DAB1: variants seen among roughly 807,000 people sequenced by gnomAD.
DAB1 encodes DAB adaptor protein 1.
DAB1 carries 15 observed loss-of-function variants against 64.6 expected under a neutral mutation model. The ratio of observed to expected loss-of-function variants is 0.23; its 90% confidence interval spans 0.16 to 0.36. The LOEUF is 0.36. Ranked by LOEUF, DAB1 falls within the 10% of genes least tolerant of loss-of-function variation. DAB1 has a pLI of 1.00. For synonymous variants in DAB1, 235 were observed against 251.9 expected (o/e 0.93, Z 0.64); for missense variants, 596 against 706.7 (o/e 0.84, Z 1.78).
intron 7 of DAB1, among the ~76,000 whole-genome samples, chr1:57,439,437 T>TTTTGTTTTTTTTTTTTTTTTTTTTG: frequency 7.3e-6 from 1 of 136,492 alleles, no homozygotes; most frequent in Admixed American, 7.1e-5. Context: ...TTTTTTTTTT[T>TTTTGTTTTTTTTTTTTTTTTTTTTG]TTTTTTTTTT....
intron 4 of DAB1, among the ~76,000 whole-genome samples, chr1:58,238,054 T>C (rs1310838376): frequency 6.6e-6 from 1 of 152,210 alleles, no homozygotes; most frequent in Non-Finnish European, 1.5e-5. Flanking sequence ...CCATGTCCTT[T>C]GGCAGTACCC....
At chr1:57,047,736 A>G (rs1648696401) in intron 9 of DAB1, among the ~76,000 whole-genome samples, 3 of 152,146 alleles carry the variant, frequency 2.0e-5, no homozygotes, top group South Asian at 4.1e-4. Context: ...CCCCATAGCT[A>G]TGGTGCAGCC....
intron 4 of DAB1, among the ~76,000 whole-genome samples, chr1:58,241,609 G>C (rs943039634): frequency 6.6e-6 from 1 of 151,956 alleles, no homozygotes; most frequent in Non-Finnish European, 1.5e-5. Flanking sequence ...TGTAAAAGAA[G>C]CCTGAACAAA....
chr1:57,644,583 A>G (rs1646170292), intron 7 of DAB1, among the ~76,000 whole-genome samples: 1 of 151,970 alleles, frequency 6.6e-6, no homozygotes, highest in Non-Finnish European at 1.5e-5. Context: ...ATACATATAT[A>G]CACACATACC....
intron 3 of DAB1, among the ~76,000 whole-genome samples, chr1:58,358,871 T>C (rs572869486): frequency 6.0e-5 from 9 of 149,392 alleles, no homozygotes; most frequent in African/African-American, 1.7e-4. Context: ...TCTTTCTGTC[T>C]CTCTCTCCCC....
chr1:57,437,424 AG>A (rs2101125656), intron 7 of DAB1, among the ~76,000 whole-genome samples: 1 of 152,372 alleles, frequency 6.6e-6, no homozygotes, highest in East Asian at 1.9e-4. Flanking sequence ...AAAATAAAAA[AG>A]AATGTAATTG....
intron 7 of DAB1, among the ~76,000 whole-genome samples, chr1:57,518,118 C>G (rs1570590437): frequency 6.6e-6 from 1 of 152,332 alleles, no homozygotes; most frequent in East Asian, 1.9e-4. Context: ...TGCTTTCTTT[C>G]ATAAAACAGC....
At chr1:57,279,477 A>G (rs562975511) in intron 2 of DAB1, among the ~76,000 whole-genome samples, 1 of 152,292 alleles carries the variant, frequency 6.6e-6, no homozygotes, top group African/African-American at 2.4e-5. Flanking sequence ...CTGACTTTAT[A>G]TCCAAGAGGA....
At chr1:57,356,801 T>C (rs1679145189) in intron 1 of DAB1, among the ~76,000 whole-genome samples, 1 of 152,028 alleles carries the variant, frequency 6.6e-6, no homozygotes, top group East Asian at 1.9e-4. Context: ...CACAGCAACT[T>C]ATAATACTGC....
chr1:57,215,566 G>C (rs528619597), intron 2 of DAB1, among the ~76,000 whole-genome samples: 39 of 152,264 alleles, frequency 2.6e-4, no homozygotes, highest in African/African-American at 8.4e-4. Context: ...GTGTTCAAGC[G>C]CTCTTTATAG....
At chr1:57,795,467 C>T (rs1427624219) in intron 6 of DAB1, among the ~76,000 whole-genome samples, 1 of 151,478 alleles carries the variant, frequency 6.6e-6, no homozygotes. Context: ...GACAAAGGAA[C>T]ATAGAAATGG....
intron 5 of DAB1, among the ~76,000 whole-genome samples, chr1:58,075,811 T>C (rs1043318204): frequency 6.6e-6 from 1 of 152,170 alleles, no homozygotes; most frequent in Non-Finnish European, 1.5e-5. Context: ...TCTGGCTCTA[T>C]CTCTGTCCCT....
chr1:58,323,234 T>G (rs1207460863), intron 4 of DAB1, among the ~76,000 whole-genome samples: 1 of 145,892 alleles, frequency 6.9e-6, no homozygotes, highest in Non-Finnish European at 1.5e-5. Context: ...GAACTTAAAG[T>G]ATAATAATAA....
rs72641114 is a variant in DAB1, at chr1:58,099,836, C to A, written n.387+50675G>T. The stretch of plus-strand genomic sequence containing the variant: ...AAAATAAGTGTGGAACTGAGACTCA[C>A]GTCCAGGACGGGCTCAGTTTTGAAC... On this transcript the variant is annotated intron_variant and non_coding_transcript_variant, in intron 5 of 20. Transcript: ENST00000485760. 2.6e-4 allele frequency among the ~76,000 whole-genome samples: 40 copies of A among 152,296 alleles called. No individual in the cohort carries two copies. The South Asian group carries it at 8.3e-3, about 32-fold the overall frequency.
intron 5 of DAB1, among the ~76,000 whole-genome samples, chr1:57,953,550 A>G (rs1645322076): frequency 6.6e-6 from 1 of 152,190 alleles, no homozygotes; most frequent in Non-Finnish European, 1.5e-5. Context: ...AACTAGGCCT[A>G]TCTTTTGTGC....
At chr1:57,114,265 T>C (rs1570717559) in intron 4 of DAB1, among the ~76,000 whole-genome samples, 1 of 152,182 alleles carries the variant, frequency 6.6e-6, no homozygotes. Context: ...TGTTTCTTTT[T>C]TATTAGGCTC....
chr1:58,282,985 C>T (rs649826), intron 4 of DAB1, among the ~76,000 whole-genome samples: 139,866 of 152,102 alleles, frequency 0.92, 64,313 homozygotes, highest in South Asian at 0.95. Flanking sequence ...GGGAGTAATA[C>T]GCCAGTGACC....
At chr1:58,538,447 G>C (rs1298303394) in intron 1 of DAB1, among the ~76,000 whole-genome samples, 5 of 152,062 alleles carry the variant, frequency 3.3e-5, no homozygotes, top group Non-Finnish European at 7.4e-5. Flanking sequence ...GTGATAACCA[G>C]CACTTCTGAT....
intron 2 of DAB1, among the ~76,000 whole-genome samples, chr1:57,232,015 G>A (rs1667713844): frequency 6.6e-6 from 1 of 152,128 alleles, no homozygotes; most frequent in Non-Finnish European, 1.5e-5. Flanking sequence ...CTCTGCCTGG[G>A]CTGACCTCCC....
Sources: gnomAD v4.1 joint callset for allele counts (sites outside exome capture counted in the v4.1 genomes callset) on GRCh38, gnomAD v4.1.1 for gene constraint, MANE v1.5 for transcripts, NCBI Gene and HGNC (gene_info 2026-07-23, HGNC 2026-07-21) for gene names.